MTMR7: variants seen among roughly 807,000 people sequenced by gnomAD.
MTMR7 encodes myotubularin related protein 7, also known as phosphatidylinositol-3-phosphate phosphatase MTMR7.
A neutral mutation model predicts 81.2 loss-of-function variants in MTMR7; 76 were observed. That is an observed-to-expected ratio of 0.94 (90% CI 0.78 to 1.13). The LOEUF is 1.13. MTMR7 is among the 50% of genes most tolerant of loss of function. The pLI is 0.00. For synonymous variants in MTMR7, 372 were observed against 289.8 expected, an observed-to-expected ratio of 1.28 and a Z score of -2.88; for missense variants, 1,044 against 820.0, an observed-to-expected ratio of 1.27 and a Z score of -3.34.
At chr8:17,300,928 C>T (rs1817068676) in intron 13 of MTMR7, among the ~76,000 whole-genome samples, 1 of 152,190 alleles carries the variant, frequency 6.6e-6, no homozygotes, top group African/African-American at 2.4e-5. Context: ...AGAATTCATT[C>T]ATGGTACAGC....
chr8:17,394,041 T>C (rs2150579375), intron 1 of MTMR7, among the ~76,000 whole-genome samples: 1 of 152,176 alleles, frequency 6.6e-6, no homozygotes, highest in East Asian at 1.9e-4. Context: ...AATCAAGAGA[T>C]AACAACAAGT....
At chr8:17,394,843 T>C (rs1821203877) in intron 1 of MTMR7, among the ~76,000 whole-genome samples, 1 of 152,142 alleles carries the variant, frequency 6.6e-6, no homozygotes, top group African/African-American at 2.4e-5. Flanking sequence ...TATTAGTTCA[T>C]TCGACAAATT....
rs1818983961 is a variant in MTMR7 at position 17,331,232 on chromosome 8, G to A, written c.783C>T (p.Asp261=). The A allele has an allele frequency of 1.2e-6, 2 of 1,611,794 alleles. No individual in the cohort carries two copies. The highest frequency in any genetic ancestry group is 1.7e-6 in the Non-Finnish European group (2 of 1,179,216). Residue 261 remains aspartate (D), a synonymous_variant, in exon 7 of 14, where the codon GAC becomes GAT. Transcript: ENST00000180173. The part of the protein sequence containing the change: ...RAAGKGYENE[D]NYSNIKFQFI... ...ACTGAAACTTGATATTGGAATAATT[G>A]TCTTCATTCTCATAGCCTTTCCCTG...
At chr8:17,374,967 T>C (rs553759066) in intron 1 of MTMR7, among the ~76,000 whole-genome samples, 9 of 151,808 alleles carry the variant, frequency 5.9e-5, no homozygotes, top group Non-Finnish European at 1.3e-4. Context: ...CCGGCACCTA[T>C]AATCCCATCC....
intron 1 of MTMR7, among the ~76,000 whole-genome samples, chr8:17,406,073 T>G (rs1821573840): frequency 6.6e-6 from 1 of 152,154 alleles, no homozygotes; most frequent in Non-Finnish European, 1.5e-5. Context: ...GTATGACTTT[T>G]ATAATCAGAA....
chr8:17,384,239 C>T (rs913556084), intron 1 of MTMR7, among the ~76,000 whole-genome samples: 1 of 151,986 alleles, frequency 6.6e-6, no homozygotes, highest in African/African-American at 2.4e-5. Flanking sequence ...GATGAGATCC[C>T]CATCTCTACA....
intron 7 of MTMR7, among the ~76,000 whole-genome samples, chr8:17,313,799 C>A (rs995206424): frequency 6.6e-6 from 1 of 152,158 alleles, no homozygotes; most frequent in Non-Finnish European, 1.5e-5. Flanking sequence ...AAGTGTAGCA[C>A]CTACCCACTT....
At chr8:17,306,963 C>T (rs995782731) in intron 10 of MTMR7, among the ~76,000 whole-genome samples, 4 of 152,144 alleles carry the variant, frequency 2.6e-5, no homozygotes, top group African/African-American at 9.7e-5. Flanking sequence ...CAATACCATT[C>T]AGGACATAGG....
chr8:17,342,263 A>C (rs1477063083), intron 5 of MTMR7, among the ~76,000 whole-genome samples: 1 of 152,226 alleles, frequency 6.6e-6, no homozygotes, highest in Non-Finnish European at 1.5e-5. Context: ...TTTTGTGGCA[A>C]AGTACTTTCA....
In MTMR7 at chr8:17,405,285, A is replaced by G. The variant is rs146360950; in HGVS notation, c.24+7984T>C. ...CTAACAAGTAGCCTCCCAGTGTTTC[A>G]TATGCTGGCAGAAGACACAAGACTT... On this transcript the variant is annotated intron_variant, in intron 1 of 13. Coordinates refer to ENST00000180173, the MANE Select transcript of MTMR7 (RefSeq NM_004686.5). Among the ~76,000 whole-genome samples, 652 of 152,330 alleles carry G rather than the reference A, an allele frequency of 4.3e-3. 4 individuals are homozygous for G. Among genetic ancestry groups the G allele is most frequent in the Non-Finnish European group, 4.2e-3 (287 of 68,024 alleles).
At chr8:17,301,366 T>C (rs1051218841) in intron 13 of MTMR7, among the ~76,000 whole-genome samples, 5 of 152,114 alleles carry the variant, frequency 3.3e-5, no homozygotes, top group African/African-American at 1.2e-4. Context: ...CTGTGAAAGA[T>C]TTAAACTTGG....
At chr8:17,302,077 C>G (rs1381879510) in intron 13 of MTMR7, 77 bp downstream of exon 13, 1 of 1,581,176 alleles carries the variant, frequency 6.3e-7, no homozygotes, top group East Asian at 2.2e-5. Context: ...TGCACTGAAT[C>G]TTAAGAGGCT....
chr8:17,382,114 C>T (rs971664158), intron 1 of MTMR7, among the ~76,000 whole-genome samples: 1 of 152,178 alleles, frequency 6.6e-6, no homozygotes, highest in Non-Finnish European at 1.5e-5. Flanking sequence ...TTAAGTCACT[C>T]GGTAACCTGG....
intron 3 of MTMR7, among the ~76,000 whole-genome samples, chr8:17,363,399 A>C (rs73563595): frequency 0.048 from 7,256 of 152,290 alleles, 483 homozygotes; most frequent in African/African-American, 0.15. Context: ...AATATTTACA[A>C]ATAGCTTTAA....
chr8:17,351,263 G>C (rs1819721131), intron 4 of MTMR7, among the ~76,000 whole-genome samples: 1 of 152,204 alleles, frequency 6.6e-6, no homozygotes, highest in African/African-American at 2.4e-5. Flanking sequence ...TGCAAGATTT[G>C]TCAACATGCT....
chr8:17,401,220 T>G (rs1448446246), intron 1 of MTMR7, among the ~76,000 whole-genome samples: 1 of 152,140 alleles, frequency 6.6e-6, no homozygotes, highest in African/African-American at 2.4e-5. Flanking sequence ...ATTTTATATG[T>G]GATGATAAAT....
chr8:17,353,240 A>T (rs1178191091), intron 4 of MTMR7, among the ~76,000 whole-genome samples: 1 of 152,170 alleles, frequency 6.6e-6, no homozygotes, highest in African/African-American at 2.4e-5. Flanking sequence ...AAAGTAGTCA[A>T]ATTCATAGAA....
intron 1 of MTMR7, among the ~76,000 whole-genome samples, chr8:17,412,145 C>T (rs924293062): frequency 2.6e-5 from 4 of 152,216 alleles, no homozygotes; most frequent in African/African-American, 7.2e-5. Flanking sequence ...TGACATTCTC[C>T]AGCAAACTAA....
intron 1 of MTMR7, among the ~76,000 whole-genome samples, chr8:17,385,805 G>A (rs2150574937): frequency 6.6e-6 from 1 of 152,138 alleles, no homozygotes; most frequent in East Asian, 1.9e-4. Context: ...GTTTCCTGTG[G>A]CCTCCCGGCA....
Sources: gnomAD v4.1 joint callset for allele counts (sites outside exome capture counted in the v4.1 genomes callset) on GRCh38, gnomAD v4.1.1 for gene constraint, MANE v1.5 for transcripts, NCBI Gene and HGNC (gene_info 2026-07-23, HGNC 2026-07-21) for gene names.